Variants in CCSER2 observed in about 807,000 individuals in gnomAD.
The protein encoded by CCSER2 is coiled-coil serine rich protein 2, also known as serine-rich coiled-coil domain-containing protein 2.
Under a neutral mutation model 92.3 loss-of-function variants are expected in CCSER2, and 46 were observed. The ratio of observed to expected loss-of-function variants is 0.50; its 90% CI spans 0.39 to 0.64. The LOEUF is 0.64. Ranked by LOEUF, CCSER2 falls within the 30% of genes least tolerant of loss-of-function variation. The pLI is 0.00. For synonymous variants in CCSER2, 433 were observed against 431.4 expected, an observed-to-expected ratio of 1.00 and a Z score of -0.04; for missense variants, 1,244 against 1,238.9, an observed-to-expected ratio of 1.00 and a Z score of -0.06.
intron 9 of CCSER2, among the ~76,000 whole-genome samples, chr10:84,505,140 C>T (rs1413631469): frequency 1.3e-5 from 2 of 152,146 alleles, no homozygotes; most frequent in Admixed American, 6.5e-5. Context: ...TATATATATA[C>T]ACACATTTTT....
intron 9 of CCSER2, among the ~76,000 whole-genome samples, chr10:84,492,293 A>G (rs985310930): frequency 4.6e-5 from 7 of 152,260 alleles, no homozygotes; most frequent in South Asian, 2.1e-4. Flanking sequence ...AAAAAAAAAA[A>G]AAGAAATAAA....
chr10:84,395,330 G>GA (rs918460902), intron 3 of CCSER2, among the ~76,000 whole-genome samples: 1 of 151,626 alleles, frequency 6.6e-6, no homozygotes, highest in African/African-American at 2.4e-5. Flanking sequence ...AGAAAATATT[G>GA]AATTCTGCAA....
At chr10:84,441,737 T>G (rs1327511036) in intron 6 of CCSER2, among the ~76,000 whole-genome samples, 9 of 5,106 alleles carry the variant, frequency 1.8e-3, no homozygotes, top group South Asian at 0.014. Context: ...TGGGAAAATG[T>G]TTTTTTTTTT....
chr10:84,503,197 G>A (rs1033590312), intron 9 of CCSER2, among the ~76,000 whole-genome samples: 9 of 151,878 alleles, frequency 5.9e-5, no homozygotes, highest in Admixed American at 1.3e-4. Context: ...ACTGTACTCC[G>A]GCCTGGGCAA....
chr10:84,459,613 C>T (rs995380979), intron 6 of CCSER2, among the ~76,000 whole-genome samples: 1 of 152,218 alleles, frequency 6.6e-6, no homozygotes, highest in Admixed American at 6.5e-5. Flanking sequence ...GCCTTGACTT[C>T]CCAGGCTCAG....
chr10:84,353,795 G>A (rs1023001857), intron 1 of CCSER2, among the ~76,000 whole-genome samples: 1 of 152,042 alleles, frequency 6.6e-6, no homozygotes, highest in African/African-American at 2.4e-5. Flanking sequence ...CTCATGGTGG[G>A]ATCTTGTTCC....
At chr10:84,477,852 T>C (rs879292430) in intron 9 of CCSER2, among the ~76,000 whole-genome samples, 188 bp downstream of exon 9, 2 of 152,230 alleles carry the variant, frequency 1.3e-5, no homozygotes, top group Non-Finnish European at 2.9e-5. Context: ...GTGTGTCTTA[T>C]GTAAGTGAAT....
chr10:84,434,103 C>A (rs1423972309), intron 5 of CCSER2, among the ~76,000 whole-genome samples: 1 of 152,150 alleles, frequency 6.6e-6, no homozygotes, highest in African/African-American at 2.4e-5. Context: ...AATGTATCAA[C>A]TTAATGTGGG....
intron 1 of CCSER2, among the ~76,000 whole-genome samples, chr10:84,329,671 A>G (rs1843453214): frequency 6.6e-6 from 1 of 152,176 alleles, no homozygotes; most frequent in African/African-American, 2.4e-5. Context: ...ATCATCTTTT[A>G]GACTAGAGAC....
chr10:84,370,351 T>C (rs552419105), intron 1 of CCSER2, among the ~76,000 whole-genome samples: 1 of 152,276 alleles, frequency 6.6e-6, no homozygotes, highest in East Asian at 1.9e-4. Flanking sequence ...TTTACTTCCT[T>C]GGTTAAGTAT....
intron 6 of CCSER2, among the ~76,000 whole-genome samples, chr10:84,445,276 C>T (rs1844840889): frequency 1.3e-5 from 2 of 152,130 alleles, no homozygotes; most frequent in South Asian, 2.1e-4. Flanking sequence ...GCCTCAGCCT[C>T]CTGAGTAGCT....
At chr10:84,467,208 C>G (rs977014842) in intron 7 of CCSER2, among the ~76,000 whole-genome samples, 1 of 152,164 alleles carries the variant, frequency 6.6e-6, no homozygotes. Flanking sequence ...TGTCACTTCT[C>G]TCTGGAATCC....
chr10:84,441,492 T>A (rs1367717366), intron 6 of CCSER2, among the ~76,000 whole-genome samples: 1 of 152,158 alleles, frequency 6.6e-6, no homozygotes, highest in Admixed American at 6.5e-5. Context: ...TTTTTTATGC[T>A]TATTTTGATT....
intron 3 of CCSER2, among the ~76,000 whole-genome samples, chr10:84,398,072 C>G (rs1460259734): frequency 6.6e-6 from 1 of 152,212 alleles, no homozygotes; most frequent in African/African-American, 2.4e-5. Context: ...GCTTACAAGT[C>G]AGACACATGT....
intron 5 of CCSER2, among the ~76,000 whole-genome samples, chr10:84,429,747 GT>G (rs1843659096): frequency 1.3e-5 from 2 of 151,102 alleles, no homozygotes; most frequent in Non-Finnish European, 1.5e-5. Flanking sequence ...ACAGATTAAT[GT>G]TTTTCATCAA....
At chr10:84,473,676 A>G (rs1033693043) in intron 8 of CCSER2, among the ~76,000 whole-genome samples, 1 of 152,220 alleles carries the variant, frequency 6.6e-6, no homozygotes, top group African/African-American at 2.4e-5. Context: ...TCACATTATC[A>G]AATTAAAATC....
chr10:84,435,816 TAAA>T (rs1844082639), intron 5 of CCSER2, among the ~76,000 whole-genome samples: 1 of 152,198 alleles, frequency 6.6e-6, no homozygotes. Flanking sequence ...CAGGTCGCTA[TAAA>T]AACACCTGTG....
intron 9 of CCSER2, among the ~76,000 whole-genome samples, chr10:84,486,938 A>T (rs1460553809): frequency 6.6e-6 from 1 of 152,162 alleles, no homozygotes; most frequent in African/African-American, 2.4e-5. Context: ...TAAGGAAGGG[A>T]TCCAGTTTCA....
intron 3 of CCSER2, among the ~76,000 whole-genome samples, chr10:84,394,869 CCTT>C (rs771158823): frequency 6.6e-6 from 1 of 151,984 alleles, no homozygotes; most frequent in Non-Finnish European, 1.5e-5. Flanking sequence ...TACCTAAACT[CCTT>C]CTTGATCAAA....
Sources: gnomAD v4.1 joint callset for allele counts (sites outside exome capture counted in the v4.1 genomes callset) on GRCh38, gnomAD v4.1.1 for gene constraint, MANE v1.5 for transcripts, NCBI Gene and HGNC (gene_info 2026-07-23, HGNC 2026-07-21) for gene names.